Variants in ZNF536 observed in about 807,000 individuals in gnomAD.
The protein encoded by ZNF536 is zinc finger protein 536.
Under a neutral mutation model 84.5 loss-of-function variants are expected in ZNF536, and 13 were observed. That is an observed-to-expected ratio of 0.15 (90% CI 0.10 to 0.24). ZNF536 has a LOEUF of 0.24. ZNF536 is among the 10% of genes least tolerant of loss of function. The pLI is 1.00. For missense variants in ZNF536, 1,536 were observed against 1,747.5 expected, an observed-to-expected ratio of 0.88 and a Z score of 2.16; for synonymous variants, 811 against 742.5, an observed-to-expected ratio of 1.09 and a Z score of -1.50.
intron 2 of ZNF536, among the ~76,000 whole-genome samples, chr19:30,452,712 C>T (rs1419721918): frequency 6.6e-6 from 1 of 152,120 alleles, no homozygotes; most frequent in Non-Finnish European, 1.5e-5. Context: ...GGTGGAGAAA[C>T]ACCTGCAGAG....
At chr19:30,701,733 G>T (rs972703907) in intron 1 of ZNF536, among the ~76,000 whole-genome samples, 1 of 152,230 alleles carries the variant, frequency 6.6e-6, no homozygotes, top group African/African-American at 2.4e-5. Flanking sequence ...AAGACATGAA[G>T]TTGAATTCCT....
chr19:30,293,750 A>T (rs2045914615), intron 2 of ZNF536, among the ~76,000 whole-genome samples: 1 of 152,194 alleles, frequency 6.6e-6, no homozygotes, highest in African/African-American at 2.4e-5. Flanking sequence ...TGCAAGAAAG[A>T]CAGAAATGAC....
At chr19:30,646,638 T>A (rs1294312476) in intron 1 of ZNF536, among the ~76,000 whole-genome samples, 1 of 152,214 alleles carries the variant, frequency 6.6e-6, no homozygotes, top group Non-Finnish European at 1.5e-5. Flanking sequence ...TCCACCTTTA[T>A]TTGTGTTAAT....
chr19:30,236,873 G>A (rs527767642), intron 1 of ZNF536, among the ~76,000 whole-genome samples: 1 of 152,266 alleles, frequency 6.6e-6, no homozygotes, highest in Non-Finnish European at 1.5e-5. Context: ...CTTTGGCGAT[G>A]GCTGTCTGGT....
At position 30,546,922 on chromosome 19, in the gene ZNF536, C is replaced by A. The variant is rs527736180; in HGVS notation, c.2324-1021C>A. Reference sequence around the variant, plus strand: ...CCCCTTCTCTATCCCACAATGCCAGCAAATGTAAGTTGTCTCTTCTGGTAT... The same window carrying A: ...CCCCTTCTCTATCCCACAATGCCAGAAAATGTAAGTTGTCTCTTCTGGTAT... On this transcript the variant is annotated intron_variant, in intron 3 of 4. Transcript: ENST00000355537. 2.6e-5 allele frequency among the ~76,000 whole-genome samples: 4 copies of A among 152,246 alleles called. No homozygotes were observed. The South Asian group carries it at 8.3e-4, about 32-fold the overall frequency.
chr19:30,378,982 A>G lies in ZNF536; in HGVS notation c.-3+6426A>G, dbSNP rs533031052. On this transcript the variant is annotated intron_variant, in intron 1 of 4. Transcript: ENST00000355537. ...TGGATTTCCCAGAGTCCCAGGCATAAGGAGTGTGGGGAGGGGGTGATAGCT... is the reference window on the plus strand; with the variant it reads ...TGGATTTCCCAGAGTCCCAGGCATAGGGAGTGTGGGGAGGGGGTGATAGCT... 2.6e-5 allele frequency among the ~76,000 whole-genome samples: 4 copies of G among 152,298 alleles called. No individual in the cohort carries two copies. The East Asian group carries it at 7.7e-4, about 29-fold the overall frequency.
chr19:30,376,036 G>T (rs1424708999), intron 1 of ZNF536, among the ~76,000 whole-genome samples: 1 of 152,088 alleles, frequency 6.6e-6, no homozygotes, highest in Non-Finnish European at 1.5e-5. Flanking sequence ...GAGTGTGCGC[G>T]GGTGCCCACT....
chr19:30,560,878 G>T (rs2046139012), downstream of ZNF536, among the ~76,000 whole-genome samples: 1 of 152,188 alleles, frequency 6.6e-6, no homozygotes, highest in Non-Finnish European at 1.5e-5. Flanking sequence ...TGGCAATATT[G>T]TCTCTGCGTA....
At chr19:30,526,723 C>CAAAAAAAAAAAAAAAAAA (rs766704469) in intron 2 of ZNF536, among the ~76,000 whole-genome samples, 1 of 46,872 alleles carries the variant, frequency 2.1e-5, no homozygotes, top group African/African-American at 6.2e-5. Flanking sequence ...GACTCCGTCT[C>CAAAAAAAAAAAAAAAAAA]AAAAAAAAAA....
chr19:30,438,270 C>T (rs2051847458), intron 1 of ZNF536, among the ~76,000 whole-genome samples: 1 of 152,148 alleles, frequency 6.6e-6, no homozygotes, highest in Non-Finnish European at 1.5e-5. Flanking sequence ...CTTTTGGAGT[C>T]CCCAGGGTCT....
intron 2 of ZNF536, among the ~76,000 whole-genome samples, chr19:30,301,345 G>C (rs1420460386): frequency 6.6e-6 from 1 of 152,214 alleles, no homozygotes; most frequent in Admixed American, 6.5e-5. Flanking sequence ...CAGTTATTCT[G>C]TCTGCAAAAT....
chr19:30,452,664 C>G (rs191091486), intron 2 of ZNF536, among the ~76,000 whole-genome samples: 1 of 152,274 alleles, frequency 6.6e-6, no homozygotes, highest in Non-Finnish European at 1.5e-5. Flanking sequence ...TAGTTAACTC[C>G]TTTACCCGTA....
intron 1 of ZNF536, among the ~76,000 whole-genome samples, chr19:30,649,139 C>T (rs1191693972): frequency 1.3e-5 from 2 of 152,278 alleles, no homozygotes; most frequent in Middle Eastern, 3.4e-3. Context: ...CCTCTGTCAG[C>T]CTCTGAGCAA....
At chr19:30,615,381 T>C (rs2048254957) in intron 1 of ZNF536, among the ~76,000 whole-genome samples, 1 of 152,220 alleles carries the variant, frequency 6.6e-6, no homozygotes, top group Admixed American at 6.5e-5. Flanking sequence ...ATTTATTAAA[T>C]AATTCTTCTT....
At chr19:30,411,112 A>T (rs1404884338) in intron 1 of ZNF536, among the ~76,000 whole-genome samples, 1 of 152,210 alleles carries the variant, frequency 6.6e-6, no homozygotes, top group Non-Finnish European at 1.5e-5. Context: ...CTGCAAAAAA[A>T]TTTCTGGCAC....
At chr19:30,435,490 A>G (rs2051701620) in intron 1 of ZNF536, among the ~76,000 whole-genome samples, 2 of 150,644 alleles carry the variant, frequency 1.3e-5, no homozygotes, top group African/African-American at 4.9e-5. Flanking sequence ...GCTGATGATG[A>G]CGATGGTGAT....
intron 1 of ZNF536, among the ~76,000 whole-genome samples, chr19:30,616,962 T>C (rs1160368751): frequency 6.6e-6 from 1 of 152,150 alleles, no homozygotes; most frequent in Non-Finnish European, 1.5e-5. Flanking sequence ...TGTTATTTTA[T>C]ATATATTATT....
chr19:30,587,767 G>A (rs1401440667), intron 1 of ZNF536, among the ~76,000 whole-genome samples: 2 of 152,228 alleles, frequency 1.3e-5, no homozygotes, highest in South Asian at 2.1e-4. Flanking sequence ...TAAACGAGTC[G>A]AGGCATGCTT....
At chr19:30,538,159 G>A (rs1436309844) in intron 3 of ZNF536, among the ~76,000 whole-genome samples, 2 of 152,108 alleles carry the variant, frequency 1.3e-5, no homozygotes, top group Non-Finnish European at 2.9e-5. Flanking sequence ...TTTTGGCCCT[G>A]GTGTCTCTCC....
Sources: allele counts gnomAD v4.1 joint callset (sites outside exome capture counted in the v4.1 genomes callset), GRCh38; gene constraint gnomAD v4.1.1; transcripts MANE v1.5; gene names NCBI Gene and HGNC (gene_info 2026-07-23, HGNC 2026-07-21).